The following CHST13 variants were observed in gnomAD, a reference collection of about 807,000 sequenced individuals.
CHST13 encodes C4ST-3.
CHST13 carries 1 observed loss-of-function variant against 7.0 expected under a neutral mutation model. That is an observed-to-expected ratio of 0.14 (90% CI 0.05 to 0.68). The LOEUF is 0.68. Ranked by LOEUF, CHST13 falls within the 30% of genes least tolerant of loss-of-function variation. The pLI, the probability that CHST13 is intolerant of heterozygous loss-of-function variation, is 0.82. For missense variants in CHST13, 572 were observed against 507.9 expected, an observed-to-expected ratio of 1.13 and a Z score of -1.21; for synonymous variants, 257 against 240.9, an observed-to-expected ratio of 1.07 and a Z score of -0.62.
At chr3:126,535,206 C>T (rs1387183503) in intron 1 of CHST13, among the ~76,000 whole-genome samples, 6 of 151,146 alleles carry the variant, frequency 4.0e-5, no homozygotes, top group African/African-American at 9.7e-5. Flanking sequence ...CAGACAGCAT[C>T]GCTGTCCCCA....
intron 1 of CHST13, among the ~76,000 whole-genome samples, chr3:126,529,929 G>A (rs1936616558): frequency 6.6e-6 from 1 of 152,266 alleles, no homozygotes; most frequent in South Asian, 2.1e-4. Flanking sequence ...TGTCCCCTTG[G>A]CAGGGGGTGG....
intron 1 of CHST13, 96 bp from the exon 2 acceptor site, chr3:126,536,175 A>T: frequency 1.1e-6 from 1 of 942,818 alleles, no homozygotes. Context: ...TGAGTGCCAG[A>T]GGTGGGTCAA....
chr3:126,538,535 A>G (rs1936850781), intron 2 of CHST13, among the ~76,000 whole-genome samples: 1 of 152,270 alleles, frequency 6.6e-6, no homozygotes, highest in Admixed American at 6.5e-5. Flanking sequence ...AGCTGGGCTC[A>G]TGCCCTGACA....
Position 126,541,858 on chromosome 3 carries a change from C to A in CHST13, c.306C>A (p.Asp102Glu). 6.3e-7 allele frequency: 1 copy of A among 1,588,794 alleles called. No individual in the cohort carries two copies. ...QPEDLRHVLVDDAHGLLYCYV... is the reference protein window; with the variant it reads ...QPEDLRHVLVEDAHGLLYCYV... The stretch of plus-strand genomic sequence containing the variant: ...AGGACCTGCGGCACGTGCTGGTGGA[C>A]GACGCGCATGGCCTGCTCTACTGCT... The change falls in exon 3 of 3, where the codon GAC becomes GAA. Residue 102 changes from aspartate to glutamate, a missense_variant. Physicochemically the swap from Asp to Glu is conservative, Grantham distance 45 (BLOSUM62 2). Transcript: ENST00000319340.
At chr3:126,528,273 A>G (rs537056580) in intron 1 of CHST13, among the ~76,000 whole-genome samples, 1 of 152,252 alleles carries the variant, frequency 6.6e-6, no homozygotes, top group East Asian at 1.9e-4. Context: ...GTCAGAGGGC[A>G]TCAGTCTTTA....
intron 1 of CHST13, among the ~76,000 whole-genome samples, chr3:126,524,705 T>G (rs896157571): frequency 3.9e-5 from 6 of 152,124 alleles, no homozygotes; most frequent in Non-Finnish European, 7.4e-5. Context: ...GGGTCAGTTG[T>G]GGGGGGTAGA....
At chr3:126,534,342 C>A (rs79807742) in intron 1 of CHST13, among the ~76,000 whole-genome samples, 1 of 152,194 alleles carries the variant, frequency 6.6e-6, no homozygotes. Context: ...TATAGGTAAA[C>A]GGATTTTTAC....
intron 2 of CHST13, among the ~76,000 whole-genome samples, chr3:126,539,956 A>C (rs1936918414): frequency 1.1e-4 from 3 of 26,830 alleles, no homozygotes; most frequent in Admixed American, 8.1e-4. Flanking sequence ...CCTGCCACAC[A>C]TGCCACACAC....
In CHST13 at chr3:126,541,957, G is replaced by T. The variant is rs779745607; in HGVS notation, c.405G>T (p.Pro135=). The T allele has an allele frequency of 8.2e-6, 13 of 1,585,160 alleles. No homozygotes were observed. The highest frequency in any genetic ancestry group is 1.1e-5 in the Non-Finnish European group (13 of 1,167,494). Reference sequence around the variant, plus strand: ...TGAGCGGCCAAGCCCGCGGCGACCCGCGCGCCATCTCCGCGCAAGAGGCGC... The same window carrying T: ...TGAGCGGCCAAGCCCGCGGCGACCCTCGCGCCATCTCCGCGCAAGAGGCGC... ...LALSGQARGD[P]RAISAQEAHA... The change falls in exon 3 of 3, where the codon CCG becomes CCT. Residue 135 remains proline, a synonymous_variant. Coordinates refer to ENST00000319340, the MANE Select transcript of CHST13 (RefSeq NM_152889.3).
intron 2 of CHST13, among the ~76,000 whole-genome samples, chr3:126,537,382 T>C (rs1335058673): frequency 6.6e-6 from 1 of 152,208 alleles, no homozygotes; most frequent in Non-Finnish European, 1.5e-5. Flanking sequence ...CGGGGAGCCA[T>C]GCAAGGTTTT....
intron 1 of CHST13, among the ~76,000 whole-genome samples, chr3:126,535,420 G>A (rs1215564345): frequency 6.8e-6 from 1 of 147,574 alleles, no homozygotes; most frequent in East Asian, 2.0e-4. Flanking sequence ...TCCTCAACCG[G>A]GAGACAGACA....
chr3:126,536,412 C>A, intron 2 of CHST13, 59 bp downstream of exon 2: 1 of 1,359,540 alleles, frequency 7.4e-7, no homozygotes, highest in Middle Eastern at 1.8e-4. Flanking sequence ...AGGAGCCTGA[C>A]AGCAACAGTG....
chr3:126,525,269 A>G (rs1324822349), intron 1 of CHST13, among the ~76,000 whole-genome samples: 1 of 152,072 alleles, frequency 6.6e-6, no homozygotes, highest in Non-Finnish European at 1.5e-5. Context: ...GTGGGCTCTG[A>G]GAATCCTGGG....
rs1178042033 is a variant in CHST13, at chr3:126,542,249, C to G, written c.697C>G (p.Leu233Val). The change falls in exon 3 of 3, where the codon CTG becomes GTG. Residue 233 changes from leucine (L) to valine (V), a missense_variant. By Grantham distance (32) the Leu-to-Val change is conservative. Transcript: ENST00000319340. ...VRFAEFLAYLLDPRTRREEPF... is the reference protein window; with the variant it reads ...VRFAEFLAYLVDPRTRREEPF... ...CTTCGCGGAGTTCCTGGCCTACCTG[C>G]TGGACCCGCGCACGCGGCGTGAGGA... The G allele has an allele frequency of 6.5e-7, 1 of 1,539,734 alleles. No individual in the cohort carries two copies. The highest frequency in any genetic ancestry group is 8.7e-7 in the Non-Finnish European group (1 of 1,150,438).
intron 2 of CHST13, among the ~76,000 whole-genome samples, chr3:126,537,724 G>C (rs1936828278): frequency 6.6e-6 from 1 of 152,006 alleles, no homozygotes; most frequent in South Asian, 2.1e-4. Flanking sequence ...CAACTCCCTG[G>C]AGGCTTAGCA....
intron 1 of CHST13, among the ~76,000 whole-genome samples, chr3:126,534,419 T>C (rs1936720615): frequency 6.6e-6 from 1 of 152,146 alleles, no homozygotes; most frequent in African/African-American, 2.4e-5. Flanking sequence ...ACAGCATCCC[T>C]GTCCTCATCT....
rs996171882 is a variant in CHST13 at position 126,524,372 on chromosome 3, G to A, written c.40G>A (p.Ala14Thr). ...CTGCCGGCGGCGCGTGCTGGCGGCC[G>A]CCTGTCTGGGCGCCGCGCTCCTGCT... ...RCCRRRVLAA[A>T]CLGAALLLLC... The change falls in exon 1 of 3, where the codon GCC becomes ACC. Residue 14 changes from alanine to threonine, a missense_variant. Physicochemically the swap from Ala to Thr is moderately conservative, Grantham distance 58 (BLOSUM62 0). Coordinates refer to ENST00000319340, the MANE Select transcript of CHST13 (RefSeq NM_152889.3). 7.5e-5 allele frequency: 93 copies of A among 1,235,680 alleles called. No homozygotes were observed. Among genetic ancestry groups the A allele is most frequent in the Non-Finnish European group, 9.3e-5 (92 of 989,656 alleles). 76.5% of individuals were successfully genotyped at this position (1,235,680 alleles called of 1,614,324 possible).
Position 126,527,470 on chromosome 3 carries a change from C to T in CHST13, c.97+3041C>T, listed in dbSNP as rs141082441. 5 of 152,460 alleles carry T rather than the reference C, an allele frequency of 3.3e-5. No homozygotes were observed. The Middle Eastern group carries it at 0.014, about 415-fold the overall frequency. 9.4% of individuals were successfully genotyped at this position (152,460 alleles called of 1,614,324 possible). On this transcript the variant is annotated intron_variant, in intron 1 of 2. Coordinates refer to ENST00000319340, the MANE Select transcript of CHST13 (RefSeq NM_152889.3). ...CCAGTTCAGCAACTCCAACCCAAAG[C>T]TAGAGAGGGTTCCTTTGCCACTGAT... is the stretch of plus-strand genomic sequence containing the variant.
intron 1 of CHST13, among the ~76,000 whole-genome samples, chr3:126,535,144 C>G (rs1936750118): frequency 6.9e-6 from 1 of 145,140 alleles, no homozygotes; most frequent in Non-Finnish European, 1.5e-5. Context: ...GACAGCATCC[C>G]TGTCCCCAGC....
Sources: allele counts gnomAD v4.1 joint callset (sites outside exome capture counted in the v4.1 genomes callset), GRCh38; gene constraint gnomAD v4.1.1; transcripts MANE v1.5; gene names NCBI Gene and HGNC (gene_info 2026-07-23, HGNC 2026-07-21).